OCA2: variants seen among roughly 807,000 people sequenced by gnomAD.
OCA2 encodes the protein OCA2 melanosomal transmembrane protein.
In OCA2, 77 loss-of-function variants were observed where a neutral mutation model predicts 100.2. The observed-to-expected ratio is 0.77, with a 90% CI of 0.64 to 0.93. The LOEUF (loss-of-function observed/expected upper bound fraction) is 0.93. Ranked by LOEUF, OCA2 falls within the 40% of genes least tolerant of loss-of-function variation. OCA2 has a pLI of 0.00. For synonymous variants in OCA2, 432 were observed against 439.2 expected (o/e 0.98, Z 0.21); for missense variants, 1,062 against 1,089.1 (o/e 0.98, Z 0.35).
chr15:28,030,282 G>A (rs2042874730), intron 3 of OCA2, among the ~76,000 whole-genome samples: 1 of 152,044 alleles, frequency 6.6e-6, no homozygotes, highest in Non-Finnish European at 1.5e-5. Context: ...GGGACAGGCT[G>A]GCCAACATAA....
At chr15:27,763,810 G>A (rs2031035357) in intron 23 of OCA2, among the ~76,000 whole-genome samples, 1 of 152,202 alleles carries the variant, frequency 6.6e-6, no homozygotes, top group South Asian at 2.1e-4. Flanking sequence ...GCCAAATGTA[G>A]GTGACAGGAC....
chr15:27,930,075 T>C (rs1442476694), intron 18 of OCA2, among the ~76,000 whole-genome samples: 2 of 152,134 alleles, frequency 1.3e-5, no homozygotes, highest in African/African-American at 4.8e-5. Flanking sequence ...GAAAACAGCG[T>C]GGCAGTTTTT....
chr15:28,021,921 C>T (rs1358691967), intron 6 of OCA2, among the ~76,000 whole-genome samples: 1 of 152,210 alleles, frequency 6.6e-6, no homozygotes, highest in Non-Finnish European at 1.5e-5. Flanking sequence ...CAGGTTGCCA[C>T]AGCAACCGCA....
chr15:28,044,498 A>C (rs934453644), intron 2 of OCA2, among the ~76,000 whole-genome samples: 1 of 152,236 alleles, frequency 6.6e-6, no homozygotes, highest in Non-Finnish European at 1.5e-5. Flanking sequence ...GACTCGTCAC[A>C]GTGAATAATA....
intron 23 of OCA2, among the ~76,000 whole-genome samples, chr15:27,825,594 G>A (rs17747086): frequency 0.5 from 75,995 of 152,018 alleles, 19,670 homozygotes; most frequent in South Asian, 0.76. Flanking sequence ...GGACTTGACC[G>A]TGAGCAGAGT....
At chr15:28,049,848 G>C (rs2043455877) in intron 2 of OCA2, among the ~76,000 whole-genome samples, 1 of 152,228 alleles carries the variant, frequency 6.6e-6, no homozygotes, top group Non-Finnish European at 1.5e-5. Flanking sequence ...AGAGTTCATA[G>C]TTGGAGTGAT....
intron 9 of OCA2, among the ~76,000 whole-genome samples, chr15:28,010,920 T>C (rs2141197383): frequency 6.6e-6 from 1 of 152,302 alleles, no homozygotes; most frequent in Non-Finnish European, 1.5e-5. Context: ...GAATCACTCT[T>C]CCCAGTGTCC....
chr15:27,770,783 TTCCTTCC>T (rs2031691925), intron 23 of OCA2, among the ~76,000 whole-genome samples: 1 of 54,570 alleles, frequency 1.8e-5, no homozygotes, highest in African/African-American at 7.2e-5. Context: ...CCTTCCATCC[TTCCTTCC>T]TCCCTCCCTC....
At chr15:28,081,515 G>T in intron 2 of OCA2, 133 bp downstream of exon 2, 1 of 756,966 alleles carries the variant, frequency 1.3e-6, no homozygotes, top group Non-Finnish European at 2.3e-6. Context: ...AGCCAGGAAA[G>T]TGATCTAATG....
At chr15:28,032,810 C>A (rs28627274) in intron 2 of OCA2, among the ~76,000 whole-genome samples, 151 of 131,648 alleles carry the variant, frequency 1.1e-3, no homozygotes, top group South Asian at 1.7e-3. Context: ...AAAAAAAAAA[C>A]AAAACAAAAA....
the OCA2 span, among the ~76,000 whole-genome samples, chr15:27,722,780 T>TTCTCTCTCTCCCTC: frequency 7.5e-6 from 1 of 134,210 alleles, no homozygotes; most frequent in African/African-American, 2.9e-5. Flanking sequence ...TTTTCTTTCT[T>TTCTCTCTCTCCCTC]TCTCTCTCTC....
At chr15:27,930,991 G>A (rs555795319) in intron 18 of OCA2, among the ~76,000 whole-genome samples, 2 of 152,218 alleles carry the variant, frequency 1.3e-5, no homozygotes, top group South Asian at 4.1e-4. Flanking sequence ...ACTAAATATG[G>A]ATCTGATTGA....
intron 14 of OCA2, 54 bp from the exon 15 acceptor site, chr15:27,966,876 C>T: frequency 6.4e-7 from 1 of 1,564,398 alleles, no homozygotes; most frequent in Non-Finnish European, 8.7e-7. Context: ...TGGCTCACGC[C>T]TGTAATCCCA....
chr15:28,049,701 A>G (rs2043450506), intron 2 of OCA2, among the ~76,000 whole-genome samples: 1 of 152,216 alleles, frequency 6.6e-6, no homozygotes, highest in African/African-American at 2.4e-5. Flanking sequence ...TGAATAAGCC[A>G]GGAACAAAAG....
chr15:27,995,184 C>T (rs2041681975), intron 9 of OCA2, among the ~76,000 whole-genome samples: 1 of 152,134 alleles, frequency 6.6e-6, no homozygotes, highest in Non-Finnish European at 1.5e-5. Context: ...TAGGGGACTT[C>T]AATATCCCAT....
chr15:27,722,600 T>C, the OCA2 span, among the ~76,000 whole-genome samples: 3 of 151,650 alleles, frequency 2.0e-5, no homozygotes, highest in Admixed American at 2.0e-4. Context: ...TTTATATTTC[T>C]TTCCTTCTTT....
chr15:28,077,757 G>A (rs1349382900), intron 2 of OCA2, among the ~76,000 whole-genome samples: 3 of 152,128 alleles, frequency 2.0e-5, no homozygotes, highest in African/African-American at 2.4e-5. Context: ...CTGATAAGAC[G>A]CAAAAAACCA....
chr15:28,042,104 T>C (rs1031397122), intron 2 of OCA2, among the ~76,000 whole-genome samples: 2 of 152,192 alleles, frequency 1.3e-5, no homozygotes, highest in African/African-American at 2.4e-5. Context: ...TATATTATTT[T>C]GTGTAGATCA....
intron 22 of OCA2, 98 bp from the exon 23 acceptor site, chr15:27,845,150 TTTGA>T (rs767487798): frequency 3.0e-5 from 28 of 925,390 alleles, no homozygotes; most frequent in Non-Finnish European, 4.9e-5. Flanking sequence ...CAGGCTTTGA[TTTGA>T]TTATTATTTT....
Sources: allele counts gnomAD v4.1 joint callset (sites outside exome capture counted in the v4.1 genomes callset), GRCh38; gene constraint gnomAD v4.1.1; transcripts MANE v1.5; gene names NCBI Gene and HGNC (gene_info 2026-07-23, HGNC 2026-07-21).